The following FOCAD variants were observed in gnomAD, a reference collection of about 807,000 sequenced individuals.
FOCAD encodes the protein KIAA1797.
Under a neutral mutation model 225.6 loss-of-function variants are expected in FOCAD, and 198 were observed. The observed-to-expected ratio is 0.88, with a 90% CI of 0.78 to 0.99. The LOEUF is 0.99. Among genes scored for constraint, FOCAD ranks in the 50% least tolerant of loss-of-function variants. FOCAD has a pLI of 0.00. For synonymous variants in FOCAD, 897 were observed against 755.0 expected, an observed-to-expected ratio of 1.19 and a Z score of -3.08; for missense variants, 2,713 against 2,123.6, an observed-to-expected ratio of 1.28 and a Z score of -5.46.
chr9:20,872,879 T>G (rs1003377291), intron 18 of FOCAD: 1 of 152,148 alleles, frequency 6.6e-6, no homozygotes, highest in African/African-American at 2.4e-5. Context: ...GTAAGTTTGC[T>G]TATTCTGGAC....
chr9:20,734,229 C>T (rs770229708), intron 4 of FOCAD, among the ~76,000 whole-genome samples: 2 of 152,024 alleles, frequency 1.3e-5, no homozygotes, highest in East Asian at 3.9e-4. Flanking sequence ...TGGAAGGACT[C>T]AGGGCTAATA....
At chr9:20,761,679 T>C (rs968165951) in intron 6 of FOCAD, among the ~76,000 whole-genome samples, 7 of 152,078 alleles carry the variant, frequency 4.6e-5, no homozygotes, top group Non-Finnish European at 7.4e-5. Context: ...CTCGGACTCC[T>C]AAATTGCTGG....
At chr9:20,882,917 G>A (rs957168017) in intron 20 of FOCAD, among the ~76,000 whole-genome samples, 2 of 152,130 alleles carry the variant, frequency 1.3e-5, no homozygotes, top group African/African-American at 2.4e-5. Flanking sequence ...GCCAATTAGT[G>A]GGGGGTGTTG....
chr9:20,962,037 G>A (rs1370526080), intron 35 of FOCAD, among the ~76,000 whole-genome samples: 1 of 152,088 alleles, frequency 6.6e-6, no homozygotes, highest in Non-Finnish European at 1.5e-5. Context: ...AGGCAATGCT[G>A]TAATTCTCTC....
At chr9:20,765,148 C>T in intron 7 of FOCAD, 75 bp downstream of exon 7, 1 of 1,327,864 alleles carries the variant, frequency 7.5e-7, no homozygotes, top group Non-Finnish European at 1.0e-6. Flanking sequence ...CAAAGTAGTT[C>T]TAGAACATAA....
At chr9:20,840,283 A>G (rs1032314699) in intron 15 of FOCAD, among the ~76,000 whole-genome samples, 3 of 152,006 alleles carry the variant, frequency 2.0e-5, no homozygotes, top group Non-Finnish European at 2.9e-5. Flanking sequence ...GATTCTTCCA[A>G]TTTATGAACA....
intron 19 of FOCAD, among the ~76,000 whole-genome samples, chr9:20,877,006 A>C (rs1444017740): frequency 6.6e-6 from 1 of 152,218 alleles, no homozygotes. Context: ...AGAAGTTGCA[A>C]AAACAGTTTA....
chr9:20,969,220 C>G (rs1169991261), intron 35 of FOCAD, among the ~76,000 whole-genome samples: 1 of 152,054 alleles, frequency 6.6e-6, no homozygotes, highest in Non-Finnish European at 1.5e-5. Flanking sequence ...TCCGTGTGCT[C>G]TTGAAATGAA....
chr9:20,807,383 G>A (rs1006043268), intron 11 of FOCAD, among the ~76,000 whole-genome samples: 6 of 152,216 alleles, frequency 3.9e-5, no homozygotes, highest in Admixed American at 6.5e-5. Context: ...AGGAGACAGA[G>A]AATAGTGCTG....
At chr9:20,697,188 A>G (rs148138708) in intron 1 of FOCAD, among the ~76,000 whole-genome samples, 283 of 152,226 alleles carry the variant, frequency 1.9e-3, no homozygotes, top group African/African-American at 6.7e-3. Flanking sequence ...CACTATCTCT[A>G]CTGCTGTTAT....
intron 15 of FOCAD, among the ~76,000 whole-genome samples, chr9:20,853,588 A>G (rs1412866948): frequency 1.3e-5 from 2 of 151,788 alleles, no homozygotes; most frequent in Non-Finnish European, 2.9e-5. Flanking sequence ...TCTCTAAGGC[A>G]TAGTTTGGGA....
At chr9:20,804,813 C>T (rs1822236848) in intron 11 of FOCAD, among the ~76,000 whole-genome samples, 1 of 147,692 alleles carries the variant, frequency 6.8e-6, no homozygotes, top group African/African-American at 2.5e-5. Context: ...GGAAATCCTT[C>T]TGAAGATTCA....
intron 10 of FOCAD, among the ~76,000 whole-genome samples, chr9:20,782,141 T>C (rs1819445000): frequency 6.6e-6 from 1 of 152,094 alleles, no homozygotes; most frequent in Non-Finnish European, 1.5e-5. Context: ...CTATATGATC[T>C]TTTTTTTCTC....
At chr9:20,969,124 A>T (rs1031113443) in intron 35 of FOCAD, among the ~76,000 whole-genome samples, 3 of 152,018 alleles carry the variant, frequency 2.0e-5, no homozygotes, top group African/African-American at 7.3e-5. Flanking sequence ...CATTGTGTTT[A>T]TGAAAATACT....
chr9:20,884,797 C>T (rs1007000575), intron 20 of FOCAD, among the ~76,000 whole-genome samples: 1 of 151,904 alleles, frequency 6.6e-6, no homozygotes, highest in African/African-American at 2.4e-5. Flanking sequence ...CGCGGTGGCT[C>T]ACACCTGTAA....
At chr9:20,864,380 A>G (rs928917758) in intron 16 of FOCAD, among the ~76,000 whole-genome samples, 1 of 152,054 alleles carries the variant, frequency 6.6e-6, no homozygotes, top group Non-Finnish European at 1.5e-5. Context: ...AATAAAACCA[A>G]ACCACTTACA....
At chr9:20,950,895 C>A in intron 33 of FOCAD, 101 bp from the exon 34 acceptor site, 3 of 961,202 alleles carry the variant, frequency 3.1e-6, no homozygotes, top group Non-Finnish European at 5.0e-6. Context: ...GCCAGCCAAG[C>A]CACCACCTCC....
chr9:20,900,765 T>C (rs544122755), intron 21 of FOCAD, among the ~76,000 whole-genome samples: 1 of 152,062 alleles, frequency 6.6e-6, no homozygotes, highest in African/African-American at 2.4e-5. Context: ...TGAGTTGTTA[T>C]GGTAACTGGG....
At chr9:20,844,486 G>T (rs764101613) in intron 15 of FOCAD, among the ~76,000 whole-genome samples, 1 of 143,446 alleles carries the variant, frequency 7.0e-6, no homozygotes, top group South Asian at 2.3e-4. Context: ...TCAGCCTCCC[G>T]AGTAGCTGGG....
Sources: gnomAD v4.1 joint callset for allele counts (sites outside exome capture counted in the v4.1 genomes callset) on GRCh38, gnomAD v4.1.1 for gene constraint, MANE v1.5 for transcripts, NCBI Gene and HGNC (gene_info 2026-07-23, HGNC 2026-07-21) for gene names.